The following GPR20 variants were observed in gnomAD, a reference collection of about 807,000 sequenced individuals.
The protein encoded by GPR20 is G protein-coupled receptor 20.
For missense variants in GPR20, 494 were observed against 527.4 expected, an observed-to-expected ratio of 0.94 and a Z score of 0.62; for synonymous variants, 241 against 241.9, an observed-to-expected ratio of 1.00 and a Z score of 0.04.
chr8:141,363,861 G>T (rs1252950869), intron 1 of GPR20, among the ~76,000 whole-genome samples: 1 of 152,252 alleles, frequency 6.6e-6, no homozygotes, highest in Non-Finnish European at 1.5e-5. Flanking sequence ...GCCCAGGGTG[G>T]CTGTTGAGCC....
intron 1 of GPR20, among the ~76,000 whole-genome samples, chr8:141,364,216 C>T (rs949152976): frequency 6.6e-6 from 1 of 152,212 alleles, no homozygotes; most frequent in Non-Finnish European, 1.5e-5. Context: ...GGCCCTGAGG[C>T]CGCATGTGTG....
intron 1 of GPR20, among the ~76,000 whole-genome samples, chr8:141,358,924 C>T (rs903680281): frequency 1.5e-4 from 23 of 151,884 alleles, no homozygotes; most frequent in Admixed American, 9.2e-4. Context: ...GGGGGGCGGG[C>T]GAGGGGCTGT....
chr8:141,364,206 G>C (rs896636535), intron 1 of GPR20, among the ~76,000 whole-genome samples: 4 of 152,206 alleles, frequency 2.6e-5, no homozygotes, highest in African/African-American at 9.6e-5. Context: ...GGATTCTCCG[G>C]GCCCTGAGGC....
Position 141,357,861 on chromosome 8 carries a change from T to C in GPR20, c.63A>G (p.Thr21=). The part of the protein sequence containing the change: ...AGAVPNATAV[T]TVRTNASGLE... ...GCCCGCTGGCATTGGTCCGCACTGT[T>C]GTCACTGCGGTGGCATTGGGGACTG... is the stretch of plus-strand genomic sequence containing the variant. The change falls in exon 2 of 2, where the codon ACA becomes ACG. Residue 21 remains threonine (T), a synonymous_variant. Transcript: ENST00000377741. 1 of 1,610,656 alleles carries C rather than the reference T, an allele frequency of 6.2e-7. No homozygotes were observed. Among genetic ancestry groups the C allele is most frequent in the Admixed American group, 1.7e-5 (1 of 59,852 alleles).
chr8:141,360,768 T>C (rs1485367719), intron 1 of GPR20, among the ~76,000 whole-genome samples: 1 of 152,088 alleles, frequency 6.6e-6, no homozygotes. Flanking sequence ...TGATGAGCAG[T>C]CACCAGCACA....
In GPR20 at chr8:141,357,071, G is replaced by A. The variant is rs149450702; in HGVS notation, c.853C>T (p.Leu285Phe). Residue 285 changes from leucine to phenylalanine, a missense_variant, in exon 2 of 2, where the codon CTC becomes TTC. Leu to Phe is a conservative substitution (Grantham distance 22). Coordinates refer to ENST00000377741, the MANE Select transcript of GPR20 (RefSeq NM_005293.3). ...SLVVYHVAVT[L>F]SSLNSCMDPI... The stretch of plus-strand genomic sequence containing the variant: ...TCCATGCAGCTGTTGAGGCTGCTGA[G>A]GGTCACGGCCACGTGGTAGACCACG... 46 of 1,612,520 alleles carry A rather than the reference G, an allele frequency of 2.9e-5. No individual in the cohort carries two copies. The African/African-American group carries it at 5.5e-4, about 19-fold the overall frequency.
chr8:141,360,307 T>C (rs1831714137), intron 1 of GPR20, among the ~76,000 whole-genome samples: 1 of 152,228 alleles, frequency 6.6e-6, no homozygotes, highest in African/African-American at 2.4e-5. Context: ...AGTAATGTGA[T>C]GAACCTCGAT....
At chr8:141,363,352 C>A (rs1440628223) in intron 1 of GPR20, among the ~76,000 whole-genome samples, 2 of 152,250 alleles carry the variant, frequency 1.3e-5, no homozygotes, top group Non-Finnish European at 2.9e-5. Context: ...GGGGAGAGGC[C>A]AGGGCCAACA....
At chr8:141,364,820 G>A (rs970943228) in intron 1 of GPR20, among the ~76,000 whole-genome samples, 5 of 152,076 alleles carry the variant, frequency 3.3e-5, no homozygotes, top group African/African-American at 1.2e-4. Context: ...GAGGGGCATG[G>A]CCAGTTGGAG....
chr8:141,360,666 T>C (rs1250174825), intron 1 of GPR20, among the ~76,000 whole-genome samples: 1 of 152,072 alleles, frequency 6.6e-6, no homozygotes, highest in African/African-American at 2.4e-5. Flanking sequence ...CCCTGGCGAG[T>C]GCCTGGGGAA....
Position 141,357,943 on chromosome 8 carries a change from C to T in GPR20, c.-20G>A. 6.9e-7 allele frequency: 1 copy of T among 1,445,268 alleles called. No individual in the cohort carries two copies. The highest frequency in any genetic ancestry group is 1.3e-5 in the South Asian group (1 of 76,734). The allele number at this position is 1,445,268 out of a possible 1,614,324, so 89.5% of individuals were successfully genotyped here. A position where few individuals can be genotyped will look rare whatever the true frequency, so the allele number is the denominator to read the frequency against. ...GGGCATGACGGCAGCCAGCACACCCCAGGCCTGGAAGCAAGGAGACCAGGT... is the reference window on the plus strand; with the variant it reads ...GGGCATGACGGCAGCCAGCACACCCTAGGCCTGGAAGCAAGGAGACCAGGT... On this transcript the variant is annotated 5_prime_UTR_variant, in exon 2 of 2. Transcript: ENST00000377741.
At chr8:141,357,985 C>G (rs1831678559) in intron 1 of GPR20, 38 bp from the exon 2 acceptor site, 1 of 1,098,302 alleles carries the variant, frequency 9.1e-7, no homozygotes, top group Admixed American at 2.6e-5. Flanking sequence ...AGGCGCCAGC[C>G]TGGCCTTAAG....
chr8:141,365,871 C>T (rs1233982917), intron 1 of GPR20, among the ~76,000 whole-genome samples: 2 of 152,210 alleles, frequency 1.3e-5, no homozygotes, highest in Non-Finnish European at 2.9e-5. Context: ...TGGCTTCCTT[C>T]GCAGTGCCCT....
At chr8:141,361,222 T>C (rs1317191817) in intron 1 of GPR20, among the ~76,000 whole-genome samples, 1 of 152,210 alleles carries the variant, frequency 6.6e-6, no homozygotes, top group African/African-American at 2.4e-5. Context: ...AGGCCAGCTC[T>C]GCTCCCCACC....
rs1329124546 is a variant in GPR20, at chr8:141,357,962, A to G, written c.-24-15T>C. On this transcript the variant is annotated splice_polypyrimidine_tract_variant and intron_variant, in intron 1 of 1. Coordinates refer to ENST00000377741, the MANE Select transcript of GPR20 (RefSeq NM_005293.3). ...ACACCCCAGGCCTGGAAGCAAGGAG[A>G]CCAGGTCACCCCAGGCGCCAGCCTG... is the stretch of plus-strand genomic sequence containing the variant. 6 of 1,298,586 alleles carry G rather than the reference A, an allele frequency of 4.6e-6. No individual in the cohort carries two copies. Among genetic ancestry groups the G allele is most frequent in the Non-Finnish European group, 6.4e-6 (6 of 943,298 alleles). The allele number at this position is 1,298,586 out of a possible 1,614,324, so 80.4% of individuals were successfully genotyped here.
intron 1 of GPR20, among the ~76,000 whole-genome samples, chr8:141,360,547 C>T (rs73715872): frequency 0.011 from 1,662 of 152,300 alleles, 22 homozygotes; most frequent in African/African-American, 0.036. Flanking sequence ...TGTCCCGATT[C>T]GATTATTACG....
At position 141,356,963 on chromosome 8, in the gene GPR20, T is replaced by A. The variant is rs756833078; in HGVS notation, c.961A>T (p.Ser321Cys). The change falls in exon 2 of 2, where the codon AGC (serine) becomes TGC (cysteine). Residue 321 changes from serine to cysteine, a missense_variant. Coordinates refer to ENST00000377741, the MANE Select transcript of GPR20 (RefSeq NM_005293.3). ...TGCATGCTGACCACGTCACCGCTGC[T>A]GGGCTCACGCTCTCCGTGCTGGCCG... ...LFGQHGEREPSSGDVVSMHRS... is the reference protein window; with the variant it reads ...LFGQHGEREPCSGDVVSMHRS... The A allele has an allele frequency of 6.2e-7, 1 of 1,613,122 alleles. No individual in the cohort carries two copies. Among genetic ancestry groups the A allele is most frequent in the Non-Finnish European group, 8.5e-7 (1 of 1,179,986 alleles).
rs370181787 is a variant in GPR20 at position 141,357,676 on chromosome 8, C to T, written c.248G>A (p.Arg83Gln). ...GTAGATGACTGAGGGTGTCTTGGCC[C>T]GGGTGCGGCAGCAGAAGACGTACAG... ...LALYVFCCRT[R>Q]AKTPSVIYTI... Residue 83 changes from arginine to glutamine, a missense_variant, in exon 2 of 2, where the codon CGG becomes CAG. Transcript: ENST00000377741. 14 of 1,613,356 alleles carry T rather than the reference C, an allele frequency of 8.7e-6. No homozygotes were observed. The highest frequency in any genetic ancestry group is 3.3e-5 in the Admixed American group (2 of 59,972).
chr8:141,363,414 G>C (rs548966069), intron 1 of GPR20, among the ~76,000 whole-genome samples: 1 of 152,366 alleles, frequency 6.6e-6, no homozygotes, highest in South Asian at 2.1e-4. Flanking sequence ...CACGGTCCTG[G>C]GAACTTCCAA....
Sources: allele counts gnomAD v4.1 joint callset (sites outside exome capture counted in the v4.1 genomes callset), GRCh38; gene constraint gnomAD v4.1.1; transcripts MANE v1.5; gene names NCBI Gene and HGNC (gene_info 2026-07-23, HGNC 2026-07-21).